MTUS2: variants seen among roughly 807,000 people sequenced by gnomAD.
MTUS2 encodes microtubule associated scaffold protein 2.
A neutral mutation model predicts 114.1 loss-of-function variants in MTUS2; 40 were observed. The ratio of observed to expected loss-of-function variants is 0.35; its 90% CI spans 0.27 to 0.46. The LOEUF (loss-of-function observed/expected upper bound fraction) is 0.46. MTUS2 is among the 20% of genes least tolerant of loss of function. The pLI is 1.00. For synonymous variants in MTUS2, 688 were observed against 672.0 expected (o/e 1.02, Z -0.37); for missense variants, 1,679 against 1,705.4 (o/e 0.98, Z 0.27).
chr13:28,892,171 G>A (rs1878971630), intron 2 of MTUS2, among the ~76,000 whole-genome samples: 1 of 152,166 alleles, frequency 6.6e-6, no homozygotes, highest in Admixed American at 6.5e-5. Flanking sequence ...GGGATGGACT[G>A]TCTCCTTAGT....
chr13:29,327,137 A>G (rs1218076616), intron 7 of MTUS2, among the ~76,000 whole-genome samples: 1 of 98,872 alleles, frequency 1.0e-5, no homozygotes, highest in Non-Finnish European at 2.6e-5. Context: ...AAAAATATTA[A>G]AAATGTATAA....
chr13:29,471,745 C>CCCCCG (rs372353938), intron 9 of MTUS2, among the ~76,000 whole-genome samples: 1,483 of 146,682 alleles, frequency 0.01, 40 homozygotes, highest in African/African-American at 0.035. Context: ...AGGCCCAGCC[C>CCCCCG]CCCCCGACAC....
rs575139303 is a variant in MTUS2, at chr13:29,269,754, A to G, written c.2645-11950A>G. ...AAATCGGGGTCTCAAAGAGATATTT[A>G]CACTCTCATGTTCATTGTGGCACTA... On this transcript the variant is annotated intron_variant, in intron 5 of 15. Coordinates refer to ENST00000612955, the MANE Select transcript of MTUS2 (RefSeq NM_001033602.4). 6.6e-5 allele frequency among the ~76,000 whole-genome samples: 10 copies of G among 152,310 alleles called. No homozygotes were observed. In the South Asian group the frequency reaches 2.1e-3, roughly 32 times the overall value.
At chr13:29,160,100 G>A (rs1280605480) in intron 5 of MTUS2, among the ~76,000 whole-genome samples, 4 of 152,118 alleles carry the variant, frequency 2.6e-5, no homozygotes, top group Admixed American at 2.6e-4. Context: ...AATCCAGAAG[G>A]CCTTCCGTGG....
intron 5 of MTUS2, among the ~76,000 whole-genome samples, chr13:29,263,828 G>A (rs1201418750): frequency 2.0e-5 from 3 of 152,072 alleles, no homozygotes; most frequent in Admixed American, 2.0e-4. Flanking sequence ...CCAACACTGG[G>A]GATTACATTT....
At chr13:29,432,228 T>G (rs764470323) in intron 8 of MTUS2, among the ~76,000 whole-genome samples, 40 of 152,116 alleles carry the variant, frequency 2.6e-4, no homozygotes, top group Non-Finnish European at 4.9e-4. Context: ...AGATGCAGTC[T>G]GTAGAAAGAC....
At chr13:29,479,575 C>T (rs1013539496) in intron 9 of MTUS2, among the ~76,000 whole-genome samples, 1 of 152,174 alleles carries the variant, frequency 6.6e-6, no homozygotes, top group Non-Finnish European at 1.5e-5. Context: ...TGAAAGGAAA[C>T]CCCCACACCT....
At chr13:29,029,370 A>G (rs1419023355) in intron 3 of MTUS2, among the ~76,000 whole-genome samples, 2 of 152,250 alleles carry the variant, frequency 1.3e-5, no homozygotes, top group Non-Finnish European at 2.9e-5. Flanking sequence ...GGCTTTAGGC[A>G]GTGGTCTCCA....
Position 29,505,719 on chromosome 13 carries a change from C to T in MTUS2, c.*2513C>T, listed in dbSNP as rs1395534099. On this transcript the variant is annotated 3_prime_UTR_variant, in exon 16 of 16. Transcript: ENST00000612955. ...ACCCACCAGATACCACCTGTCTCTT[C>T]GTGGCATTTGGGAGATGCGTGGGCG... 1 of 229,358 alleles carries T rather than the reference C, an allele frequency of 4.4e-6. No homozygotes were observed. Among genetic ancestry groups the T allele is most frequent in the African/African-American group, 2.2e-5 (1 of 45,078 alleles). The allele number at this position is 229,358 out of a possible 1,614,324, so 14.2% of individuals were successfully genotyped here. A position where few individuals can be genotyped will look rare whatever the true frequency, so the allele number is the denominator to read the frequency against.
chr13:29,454,107 A>T (rs1414490680), intron 9 of MTUS2, among the ~76,000 whole-genome samples: 1 of 152,264 alleles, frequency 6.6e-6, no homozygotes, highest in South Asian at 2.1e-4. Context: ...AAAGGACGTC[A>T]ATCTGTTGAA....
chr13:29,492,358 T>A (rs73452319), intron 11 of MTUS2, among the ~76,000 whole-genome samples: 56,146 of 151,278 alleles, frequency 0.37, 13,427 homozygotes, highest in East Asian at 0.74. Context: ...TGTGTGATGT[T>A]TGCGTGTGTG....
intron 2 of MTUS2, among the ~76,000 whole-genome samples, chr13:28,945,926 C>T (rs1414065985): frequency 6.6e-6 from 1 of 152,112 alleles, no homozygotes; most frequent in Non-Finnish European, 1.5e-5. Context: ...CTGGTAGGTA[C>T]TCTTTTGAAA....
At chr13:29,108,920 A>G (rs887060632) in intron 5 of MTUS2, among the ~76,000 whole-genome samples, 5 of 152,196 alleles carry the variant, frequency 3.3e-5, no homozygotes, top group Admixed American at 1.3e-4. Flanking sequence ...AGGAAAAACA[A>G]CTAGAGGTGG....
At chr13:29,343,094 C>T (rs546718929) in intron 7 of MTUS2, among the ~76,000 whole-genome samples, 22 of 152,048 alleles carry the variant, frequency 1.4e-4, no homozygotes, top group Non-Finnish European at 2.2e-4. Flanking sequence ...CATCTGTGTT[C>T]GTCAGGGAAA....
At chr13:29,058,410 C>T (rs1421642839) in intron 4 of MTUS2, among the ~76,000 whole-genome samples, 1 of 151,858 alleles carries the variant, frequency 6.6e-6, no homozygotes, top group African/African-American at 2.4e-5. Flanking sequence ...CTTTCAGGGA[C>T]ACCAGTGAGT....
At chr13:29,303,009 A>G (rs1458375928) in intron 6 of MTUS2, among the ~76,000 whole-genome samples, 1 of 152,218 alleles carries the variant, frequency 6.6e-6, no homozygotes, top group African/African-American at 2.4e-5. Context: ...TATGGGAGAA[A>G]CTGAGGCAAC....
intron 5 of MTUS2, among the ~76,000 whole-genome samples, chr13:29,233,517 G>C (rs149236612): frequency 6.6e-6 from 1 of 152,204 alleles, no homozygotes; most frequent in Non-Finnish European, 1.5e-5. Context: ...GAAGCACGTA[G>C]CTGAATAGTT....
chr13:29,036,824 T>G (rs1245313847), intron 4 of MTUS2, among the ~76,000 whole-genome samples: 1 of 86,886 alleles, frequency 1.2e-5, no homozygotes, highest in Non-Finnish European at 2.3e-5. Flanking sequence ...AGATTAGGAT[T>G]GCAACCCTTG....
rs571258888 is a variant in MTUS2 at position 29,002,021 on chromosome 13, C to T, written c.-242-22436C>T. On this transcript the variant is annotated intron_variant, in intron 2 of 15. Transcript: ENST00000612955. ...CTTCCTGGAGTGTCCAGAAAGAATG[C>T]GGCCCTGCCAGTGCCATGACTTTTG... 8.5e-5 allele frequency among the ~76,000 whole-genome samples: 13 copies of T among 152,270 alleles called. No individual in the cohort carries two copies. In the South Asian group the frequency reaches 1.9e-3, roughly 22 times the overall value.
Sources: allele counts gnomAD v4.1 joint callset (sites outside exome capture counted in the v4.1 genomes callset), GRCh38; gene constraint gnomAD v4.1.1; transcripts MANE v1.5; gene names NCBI Gene and HGNC (gene_info 2026-07-23, HGNC 2026-07-21).